The following GLIS1 variants were observed in gnomAD, a reference collection of about 807,000 sequenced individuals.
GLIS1 encodes GLIS family zinc finger 1.
In GLIS1, 24 loss-of-function variants were observed where a neutral mutation model predicts 63.8. The ratio of observed to expected loss-of-function variants is 0.38; its 90% CI spans 0.27 to 0.53. The LOEUF (loss-of-function observed/expected upper bound fraction) is 0.53, where lower values mean the gene tolerates loss of function less well. GLIS1 is among the 20% of genes least tolerant of loss of function. The pLI is 0.85. For missense variants in GLIS1, 1,036 were observed against 1,074.1 expected (o/e 0.96, Z 0.50); for synonymous variants, 450 against 482.5 (o/e 0.93, Z 0.88).
intron 2 of GLIS1, among the ~76,000 whole-genome samples, chr1:53,698,964 C>T (rs763880391): frequency 1.3e-5 from 2 of 152,180 alleles, no homozygotes; most frequent in Non-Finnish European, 1.5e-5. Context: ...ATAAAAGGAG[C>T]CACCCAAGAG....
rs1356803962 is a variant in GLIS1, at chr1:53,511,457, T to C, written c.1884-1430A>G. ...CCTCCAACGTTGGCAGCCCCTCCAC[T>C]GCCCCTCCAGTCTGCTGTCATCATC... On this transcript the variant is annotated intron_variant, in intron 8 of 10. Transcript: ENST00000628545. This position sits in a 1 kb window ranked among gnomAD's most constrained non-coding sequence, Gnocchi z 4.2. Among the ~76,000 whole-genome samples the C allele has an allele frequency of 6.6e-6, 1 of 152,136 alleles. No individual in the cohort carries two copies. The highest frequency in any genetic ancestry group is 1.5e-5 in the Non-Finnish European group (1 of 68,008).
chr1:53,712,178 T>A (rs968028922), intron 2 of GLIS1, among the ~76,000 whole-genome samples: 14 of 152,320 alleles, frequency 9.2e-5, no homozygotes, highest in African/African-American at 3.4e-4. Flanking sequence ...CTCTTTCCCT[T>A]CTACCAGGCC....
intron 4 of GLIS1, among the ~76,000 whole-genome samples, chr1:53,559,700 C>T (rs1007857136): frequency 6.6e-6 from 1 of 152,184 alleles, no homozygotes; most frequent in African/African-American, 2.4e-5. Flanking sequence ...ACGCCCTGCA[C>T]CCCCTGGCCT....
chr1:53,610,574 A>G (rs1645415440), intron 2 of GLIS1, among the ~76,000 whole-genome samples: 1 of 152,166 alleles, frequency 6.6e-6, no homozygotes, highest in African/African-American at 2.4e-5. Flanking sequence ...CTTCCCCCTC[A>G]ACCCTGACTA....
At chr1:53,564,520 C>A (rs1296604698) in intron 4 of GLIS1, among the ~76,000 whole-genome samples, 4 of 152,044 alleles carry the variant, frequency 2.6e-5, no homozygotes, top group African/African-American at 9.7e-5. Context: ...GGACTAAATT[C>A]TAATTAAAAC....
In GLIS1 at chr1:53,615,396, T is replaced by C. The variant is rs953222923; in HGVS notation, c.260-15118A>G. Among the ~76,000 whole-genome samples, 9 of 152,280 alleles carry C rather than the reference T, an allele frequency of 5.9e-5. No homozygotes were observed. In the East Asian group the frequency reaches 9.6e-4, roughly 16 times the overall value. ...TCCCCATGTCTCCCAACTCCTACCC[T>C]GTGAAAGGCTGCACCACTGCCCGGT... On this transcript the variant is annotated intron_variant, in intron 2 of 10. Coordinates refer to ENST00000628545, the MANE Select transcript of GLIS1 (RefSeq NM_001367484.1).
rs1430029276 is a variant in GLIS1, at chr1:53,598,862, T to C, written c.437+1239A>G. 1.3e-5 allele frequency among the ~76,000 whole-genome samples: 2 copies of C among 152,134 alleles called. No individual in the cohort carries two copies. The highest frequency in any genetic ancestry group is 4.8e-5 in the African/African-American group (2 of 41,428). On this transcript the variant is annotated intron_variant, in intron 3 of 10. Coordinates refer to ENST00000628545, the MANE Select transcript of GLIS1 (RefSeq NM_001367484.1). The surrounding 1 kb of genome is among the most constrained non-coding windows in gnomAD (Gnocchi z 4.6). ...CTTGGGAAGAACAGCATCCTTCTAT[T>C]TAGGAATTTATCCACTGTGGAGCTC...
chr1:53,560,964 C>T lies in GLIS1; in HGVS notation c.1321-31012G>A, dbSNP rs375701981. Among the ~76,000 whole-genome samples, 16 of 152,270 alleles carry T rather than the reference C, an allele frequency of 1.1e-4. No homozygotes were observed. Among genetic ancestry groups the T allele is most frequent in the African/African-American group, 3.4e-4 (14 of 41,548 alleles). On this transcript the variant is annotated intron_variant, in intron 4 of 10. Coordinates refer to ENST00000628545, the MANE Select transcript of GLIS1 (RefSeq NM_001367484.1). The surrounding 1 kb of genome is among the most constrained non-coding windows in gnomAD (Gnocchi z 4.4). ...GGAGGCCGGGCCCACACTGGATGTC[C>T]GCTCCCTTCAGGATCTCCAATGTGC...
At position 53,600,289 on chromosome 1, in the gene GLIS1, A is replaced by G. The variant is rs1386906317; in HGVS notation, c.260-11T>C. 9.7e-6 allele frequency: 12 copies of G among 1,231,540 alleles called. No individual in the cohort carries two copies. Among genetic ancestry groups the G allele is most frequent in the African/African-American group, 1.6e-5 (1 of 64,504 alleles). 76.3% of individuals were successfully genotyped at this position (1,231,540 alleles called of 1,614,324 possible). A position where few individuals can be genotyped will look rare whatever the true frequency, so the allele number is the denominator to read the frequency against. On this transcript the variant is annotated splice_polypyrimidine_tract_variant and intron_variant, in intron 2 of 10. Coordinates refer to ENST00000628545, the MANE Select transcript of GLIS1 (RefSeq NM_001367484.1). ...CGTAGCTCCCATTCACTAGGCAGAGAAAGACAGGGAGAGAGGGACACAGTG... is the reference window on the plus strand; with the variant it reads ...CGTAGCTCCCATTCACTAGGCAGAGGAAGACAGGGAGAGAGGGACACAGTG...
At chr1:53,653,576 T>C (rs1237108406) in intron 2 of GLIS1, among the ~76,000 whole-genome samples, 1 of 152,240 alleles carries the variant, frequency 6.6e-6, no homozygotes, top group Admixed American at 6.5e-5. Context: ...AGATCTCCTC[T>C]TGGCCTCTAC....
rs74401736 is a variant in GLIS1, at chr1:53,608,447, C to T, written c.260-8169G>A. Among the ~76,000 whole-genome samples, 1,156 of 152,290 alleles carry T rather than the reference C, an allele frequency of 7.6e-3. 24 individuals carry two copies. The highest frequency in any genetic ancestry group is 0.027 in the African/African-American group (1,126 of 41,562). ...CATTCTGTAACACCTAGGATTCACG[C>T]CCTCCTTTTCCCTCCCTAGTAGGAT... On this transcript the variant is annotated intron_variant, in intron 2 of 10. Coordinates refer to ENST00000628545, the MANE Select transcript of GLIS1 (RefSeq NM_001367484.1).
chr1:53,727,834 G>A (rs1646820572), intron 2 of GLIS1, among the ~76,000 whole-genome samples: 1 of 152,174 alleles, frequency 6.6e-6, no homozygotes, highest in South Asian at 2.1e-4. Context: ...AAACATGATG[G>A]TATCTGCATG....
At chr1:53,538,237 G>A (rs1434079981) in intron 4 of GLIS1, among the ~76,000 whole-genome samples, 4 of 152,158 alleles carry the variant, frequency 2.6e-5, no homozygotes, top group African/African-American at 9.7e-5. Context: ...GCACTGACCC[G>A]GGCTCTTTGA....
chr1:53,536,605 A>T (rs1217860745), intron 4 of GLIS1, among the ~76,000 whole-genome samples: 5 of 152,112 alleles, frequency 3.3e-5, no homozygotes, highest in Non-Finnish European at 5.9e-5. Context: ...CCAGTCAGTG[A>T]CGGAGCAGGA....
intron 2 of GLIS1, among the ~76,000 whole-genome samples, chr1:53,626,403 C>T (rs1369626810): frequency 6.6e-6 from 1 of 152,162 alleles, no homozygotes; most frequent in Non-Finnish European, 1.5e-5. Flanking sequence ...CCCCCTTCTG[C>T]TCCAAACCCT....
rs1645015224 is a variant in GLIS1, at chr1:53,574,731, T to G, written c.1320+19377A>C. ...CCTTGTGTCTAAGCCACATTTGTCATTCCAGCTGTACCATTAGCAAGGGGC... is the reference window on the plus strand; with the variant it reads ...CCTTGTGTCTAAGCCACATTTGTCAGTCCAGCTGTACCATTAGCAAGGGGC... On this transcript the variant is annotated intron_variant, in intron 4 of 10. Transcript: ENST00000628545. The surrounding 1 kb of genome is among the most constrained non-coding windows in gnomAD (Gnocchi z 4.2). 6.6e-6 allele frequency among the ~76,000 whole-genome samples: 1 copy of G among 152,206 alleles called. No homozygotes were observed.
At chr1:53,729,067 A>G (rs1339523364) in intron 2 of GLIS1, among the ~76,000 whole-genome samples, 1 of 152,240 alleles carries the variant, frequency 6.6e-6, no homozygotes, top group Non-Finnish European at 1.5e-5. Flanking sequence ...CTCATTAGGT[A>G]TATTCTGCTT....
chr1:53,543,262 G>T (rs959869807), intron 4 of GLIS1, among the ~76,000 whole-genome samples: 2 of 152,250 alleles, frequency 1.3e-5, no homozygotes, highest in African/African-American at 2.4e-5. Flanking sequence ...TCCCTCATGG[G>T]GACGTGGACA....
At chr1:53,718,027 C>CTGCAATATAGCTGCTG (rs1646717752) in intron 2 of GLIS1, among the ~76,000 whole-genome samples, 1 of 152,220 alleles carries the variant, frequency 6.6e-6, no homozygotes, top group South Asian at 2.1e-4. Context: ...TCAGCTACAG[C>CTGCAATATAGCTGCTG]CCCCACTATA....
Sources: gnomAD v4.1 joint callset for allele counts (sites outside exome capture counted in the v4.1 genomes callset) on GRCh38, gnomAD v4.1.1 for gene constraint, Gnocchi (gnomAD v3.1) non-coding constraint, MANE v1.5 for transcripts, NCBI Gene and HGNC (gene_info 2026-07-23, HGNC 2026-07-21) for gene names.